The following USP33 variants were observed in gnomAD, a reference collection of about 807,000 sequenced individuals.
The protein encoded by USP33 is ubiquitin specific peptidase 33, also known as ubiquitin carboxyl-terminal hydrolase 33.
A neutral mutation model predicts 124.2 loss-of-function variants in USP33; 46 were observed. The ratio of observed to expected loss-of-function variants is 0.37; its 90% CI spans 0.29 to 0.47. The LOEUF (loss-of-function observed/expected upper bound fraction) is 0.47. Ranked by LOEUF, USP33 falls within the 20% of genes least tolerant of loss-of-function variation. The probability of loss-of-function intolerance (pLI) is 0.99; values close to 1 mark genes in which losing one functional copy is unlikely to be tolerated. For synonymous variants in USP33, 350 were observed against 352.3 expected, an observed-to-expected ratio of 0.99 and a Z score of 0.07; for missense variants, 851 against 1,070.6, an observed-to-expected ratio of 0.79 and a Z score of 2.86.
In USP33 at chr1:77,740,888, T is replaced by C. The variant is rs1437668830; in HGVS notation, c.187A>G (p.Ile63Val). 3.8e-6 allele frequency: 6 copies of C among 1,568,116 alleles called. No homozygotes were observed. In the Admixed American group the frequency reaches 7.2e-5, roughly 19 times the overall value. ...CGESQVDHST[I>V]HSQETKHYLT... Reference sequence around the variant, plus strand: ...TTTTATATACATACCTGAGAATGTATGGTGCTGTGATCTACTTGTGATTCA... The same window carrying C: ...TTTTATATACATACCTGAGAATGTACGGTGCTGTGATCTACTTGTGATTCA... Residue 63 changes from isoleucine (I) to valine (V), a missense_variant, in exon 4 of 24, where the codon ATA becomes GTA. Physicochemically the swap from Ile to Val is conservative, Grantham distance 29. Around this residue, in one of 4 missense-constraint regions of USP33, gnomAD observed 221 missense variants for 302.9 expected, o/e 0.73. Transcript: ENST00000370794.
chr1:77,749,888 A>C (rs1462857350), intron 1 of USP33, among the ~76,000 whole-genome samples: 1 of 152,174 alleles, frequency 6.6e-6, no homozygotes, highest in Non-Finnish European at 1.5e-5. Flanking sequence ...CAAGATAAAT[A>C]TTTTTTTCTA....
chr1:77,733,573 T>C (rs564155703), intron 7 of USP33, among the ~76,000 whole-genome samples: 32 of 152,328 alleles, frequency 2.1e-4, no homozygotes, highest in African/African-American at 7.0e-4. Flanking sequence ...ACAGCTTTAA[T>C]ATCCCTAATA....
rs539479266 is a variant in USP33 at position 77,741,519 on chromosome 1, T to A, written c.82-90A>T. On this transcript the variant is annotated intron_variant, in intron 2 of 23. Coordinates refer to ENST00000370794, the MANE Select transcript of USP33 (RefSeq NM_201624.3). ...GCACTAATGACATCATACATATTTTTAAAATACTGCTCATAGAGTATTACA... is the reference window on the plus strand; with the variant it reads ...GCACTAATGACATCATACATATTTTAAAAATACTGCTCATAGAGTATTACA... The A allele has an allele frequency of 2.6e-6, 4 of 1,541,526 alleles. No individual in the cohort carries two copies. In the East Asian group the frequency reaches 9.0e-5, roughly 35 times the overall value.
intron 12 of USP33, among the ~76,000 whole-genome samples, chr1:77,722,630 C>T (rs1446258769): frequency 6.6e-6 from 1 of 152,088 alleles, no homozygotes; most frequent in Non-Finnish European, 1.5e-5. Context: ...AAAAACATGC[C>T]TGATAATTCC....
intron 20 of USP33, among the ~76,000 whole-genome samples, chr1:77,712,621 G>C (rs111556899): frequency 0.026 from 4,005 of 152,210 alleles, 55 homozygotes; most frequent in Middle Eastern, 0.078. Context: ...CACATGGCTT[G>C]AGCCCAGGAG....
At chr1:77,726,769 T>C (rs1035939404) in intron 10 of USP33, among the ~76,000 whole-genome samples, 15 of 152,134 alleles carry the variant, frequency 9.9e-5, no homozygotes, top group Non-Finnish European at 7.4e-5. Flanking sequence ...AGGTATAAAG[T>C]AATCATAAGT....
intron 21 of USP33, among the ~76,000 whole-genome samples, chr1:77,704,504 GCA>G (rs1257479423): frequency 2.0e-5 from 3 of 152,148 alleles, no homozygotes; most frequent in Non-Finnish European, 4.4e-5. Context: ...ATTTAGTTAA[GCA>G]CAGTTACCTC....
intron 7 of USP33, among the ~76,000 whole-genome samples, chr1:77,733,252 G>A (rs1470141575): frequency 2.6e-5 from 4 of 152,140 alleles, no homozygotes; most frequent in Non-Finnish European, 5.9e-5. Flanking sequence ...AAATTAGTCA[G>A]GTTTGGTGGC....
Position 77,721,168 on chromosome 1 carries a change from T to C in USP33, c.1691+4A>G. 6.2e-7 allele frequency: 1 copy of C among 1,613,852 alleles called. No individual in the cohort carries two copies. Among genetic ancestry groups the C allele is most frequent in the Non-Finnish European group, 8.5e-7 (1 of 1,179,900 alleles). On this transcript the variant is annotated splice_donor_region_variant and intron_variant, in intron 15 of 23. Transcript: ENST00000370794. ...CAATTAAAAGCACTGTCAATGTCAC[T>C]TACTTTTTGCATTTTTCACAACTGT...
At chr1:77,720,759 T>C (rs1676477431) in intron 15 of USP33, among the ~76,000 whole-genome samples, 1 of 152,218 alleles carries the variant, frequency 6.6e-6, no homozygotes, top group African/African-American at 2.4e-5. Context: ...AATCAGACTT[T>C]AGCTGTCTTT....
Position 77,733,404 on chromosome 1 carries a change from AG to A in USP33, c.524+942del, listed in dbSNP as rs1272292271. 5.4e-4 allele frequency among the ~76,000 whole-genome samples: 79 copies of A among 146,750 alleles called. 3 individuals carry two copies. In the South Asian group the frequency reaches 0.012, roughly 22 times the overall value. ...TGAGACCCAGCCTAAAAAAAAAAAAAGAAAAAAAAAGTCTCTTCTTCAAAGA... is the reference window on the plus strand; with the variant it reads ...TGAGACCCAGCCTAAAAAAAAAAAAAAAAAAAAAAGTCTCTTCTTCAAAGA... On this transcript the variant is annotated intron_variant, in intron 7 of 23. Transcript: ENST00000370794.
chr1:77,705,394 C>T (rs1674515520), intron 21 of USP33, among the ~76,000 whole-genome samples: 1 of 151,898 alleles, frequency 6.6e-6, no homozygotes, highest in African/African-American at 2.4e-5. Flanking sequence ...GGGGTTTCAC[C>T]ATGTTGGCCA....
At chr1:77,714,529 G>A in intron 19 of USP33, 85 bp downstream of exon 19, 4 of 1,370,250 alleles carry the variant, frequency 2.9e-6, no homozygotes, top group Non-Finnish European at 3.0e-6. Context: ...GAAATAAGTG[G>A]GAGAGGAAAA....
At chr1:77,705,438 G>A (rs545068721) in intron 21 of USP33, among the ~76,000 whole-genome samples, 14 of 151,932 alleles carry the variant, frequency 9.2e-5, no homozygotes, top group Admixed American at 2.6e-4. Flanking sequence ...CAAGTGATCC[G>A]CCTGCCTCAG....
intron 1 of USP33, among the ~76,000 whole-genome samples, chr1:77,749,117 T>C (rs535421830): frequency 6.6e-6 from 1 of 152,358 alleles, no homozygotes; most frequent in East Asian, 1.9e-4. Flanking sequence ...TAGCATTACA[T>C]GTATATTCTC....
rs574498144 is a variant in USP33 at position 77,731,686 on chromosome 1, G to A, written c.525-955C>T. Reference sequence around the variant, plus strand: ...ACACCCAGCCACCAATAGTGTAATCGTATCAGCCACATCTTTTTCAATGAA... The same window carrying A: ...ACACCCAGCCACCAATAGTGTAATCATATCAGCCACATCTTTTTCAATGAA... On this transcript the variant is annotated intron_variant, in intron 7 of 23. Coordinates refer to ENST00000370794, the MANE Select transcript of USP33 (RefSeq NM_201624.3). Among the ~76,000 whole-genome samples the A allele has an allele frequency of 4.6e-5, 7 of 152,036 alleles. No homozygotes were observed. In the South Asian group the frequency reaches 6.2e-4, roughly 14 times the overall value.
At chr1:77,701,053 T>C (rs1428664994) in intron 22 of USP33, among the ~76,000 whole-genome samples, 2 of 152,222 alleles carry the variant, frequency 1.3e-5, no homozygotes, top group Admixed American at 6.5e-5. Context: ...AATTTTACTT[T>C]AAAAGTCCAC....
rs574650259 is a variant in USP33, at chr1:77,717,238, C to T, written c.1918+629G>A. Among the ~76,000 whole-genome samples the T allele has an allele frequency of 1.2e-3, 185 of 152,072 alleles. 1 individual carries two copies. The highest frequency in any genetic ancestry group is 4.3e-3 in the African/African-American group (179 of 41,494). The stretch of plus-strand genomic sequence containing the variant: ...GGCATGGTGGCTCACACCTGTAATC[C>T]CACCACTTCGGGAGGCCGAGGCGGG... On this transcript the variant is annotated intron_variant, in intron 17 of 23. Coordinates refer to ENST00000370794, the MANE Select transcript of USP33 (RefSeq NM_201624.3).
intron 12 of USP33, 28 bp from the exon 13 acceptor site, chr1:77,722,224 G>C: frequency 6.3e-7 from 1 of 1,591,786 alleles, no homozygotes; most frequent in Non-Finnish European, 8.6e-7. Flanking sequence ...TTTAAAAATG[G>C]GATGAACATA....
Sources: allele counts gnomAD v4.1 joint callset (sites outside exome capture counted in the v4.1 genomes callset), GRCh38; gene constraint gnomAD v4.1.1; regional missense constraint gnomAD v4.1.1; transcripts MANE v1.5; gene names NCBI Gene and HGNC (gene_info 2026-07-23, HGNC 2026-07-21).